The following SLC25A16 variants were observed in gnomAD, a reference collection of about 807,000 sequenced individuals.
The protein encoded by SLC25A16 is mitochondrial coenzyme A transporter SLC25A16.
A neutral mutation model predicts 41.5 loss-of-function variants in SLC25A16; 39 were observed. The ratio of observed to expected loss-of-function variants is 0.94; its 90% CI spans 0.73 to 1.23. The LOEUF (loss-of-function observed/expected upper bound fraction) is 1.23. Among genes scored for constraint, SLC25A16 ranks in the 50% most tolerant of loss-of-function variants. The pLI, the probability that SLC25A16 is intolerant of heterozygous loss-of-function variation, is 0.00. For synonymous variants in SLC25A16, 146 were observed against 147.8 expected (o/e 0.99, Z 0.09); for missense variants, 421 against 426.9 (o/e 0.99, Z 0.12).
chr10:68,488,079 T>C (rs1012939722), intron 7 of SLC25A16, among the ~76,000 whole-genome samples: 2 of 152,094 alleles, frequency 1.3e-5, no homozygotes, highest in African/African-American at 4.8e-5. Flanking sequence ...CTCAATCTCT[T>C]GACCTTGTGA....
intron 3 of SLC25A16, 56 bp from the exon 4 acceptor site, chr10:68,503,751 ACT>A: frequency 1.9e-6 from 2 of 1,031,176 alleles, no homozygotes; most frequent in Non-Finnish European, 3.0e-6. Flanking sequence ...TGCCCATTTC[ACT>A]GTTTAATAAT....
intron 8 of SLC25A16, among the ~76,000 whole-genome samples, chr10:68,486,719 A>C (rs557839930): frequency 1.8e-4 from 28 of 151,822 alleles, no homozygotes; most frequent in African/African-American, 6.5e-4. Flanking sequence ...ATTATAGACC[A>C]GGCAGGCAGG....
intron 4 of SLC25A16, among the ~76,000 whole-genome samples, chr10:68,493,817 C>A (rs2052703342): frequency 6.6e-6 from 1 of 152,194 alleles, no homozygotes; most frequent in East Asian, 1.9e-4. Flanking sequence ...CAAAATGGTA[C>A]AGTGTACAGT....
chr10:68,499,620 T>A, intron 4 of SLC25A16: 1 of 333,276 alleles, frequency 3.0e-6, no homozygotes, highest in Non-Finnish European at 5.9e-6. Flanking sequence ...AGGAAGATTA[T>A]GTCTTCCCCT....
chr10:68,492,470 T>TAAA (rs989563856), intron 6 of SLC25A16, among the ~76,000 whole-genome samples: 5 of 149,302 alleles, frequency 3.3e-5, no homozygotes, highest in Non-Finnish European at 7.4e-5. Flanking sequence ...AAGTTTAGTT[T>TAAA]AAAAAAAAAA....
chr10:68,490,645 G>A (rs1288395944), intron 6 of SLC25A16, among the ~76,000 whole-genome samples: 2 of 150,936 alleles, frequency 1.3e-5, no homozygotes, highest in African/African-American at 4.9e-5. Context: ...CCCGGCCAGG[G>A]AAGAGACTAT....
intron 2 of SLC25A16, among the ~76,000 whole-genome samples, chr10:68,507,233 C>T (rs931533883): frequency 2.0e-5 from 3 of 151,682 alleles, no homozygotes; most frequent in Admixed American, 6.6e-5. Context: ...CCACCACACC[C>T]GGCTAATTTT....
At chr10:68,514,441 A>C (rs2053124042) in intron 2 of SLC25A16, among the ~76,000 whole-genome samples, 3 of 152,096 alleles carry the variant, frequency 2.0e-5, no homozygotes, top group Admixed American at 2.0e-4. Flanking sequence ...GGTTGCAGTG[A>C]GCAGAGATCA....
intron 4 of SLC25A16, among the ~76,000 whole-genome samples, chr10:68,498,473 T>G (rs933455083): frequency 2.6e-5 from 4 of 151,990 alleles, no homozygotes; most frequent in Non-Finnish European, 4.4e-5. Flanking sequence ...GAGGATTGCT[T>G]CAGGCCAGGA....
Position 68,483,428 on chromosome 10 carries a change from T to A in SLC25A16, c.*4A>T, listed in dbSNP as rs770532162. The A allele has an allele frequency of 2.6e-6, 4 of 1,564,072 alleles. 1 individual carries two copies. The South Asian group carries it at 4.8e-5, about 19-fold the overall frequency. On this transcript the variant is annotated 3_prime_UTR_variant, in exon 9 of 9. Coordinates refer to ENST00000609923, the MANE Select transcript of SLC25A16 (RefSeq NM_152707.4). Reference sequence around the variant, plus strand: ...TATTAAGAAAAACCAACCATAATTTTTTTTTAGTTGAGGTGAAAAAACTGC... The same window carrying A: ...TATTAAGAAAAACCAACCATAATTTATTTTTAGTTGAGGTGAAAAAACTGC...
At chr10:68,512,820 C>CT (rs1337415051) in intron 2 of SLC25A16, among the ~76,000 whole-genome samples, 4 of 151,594 alleles carry the variant, frequency 2.6e-5, no homozygotes, top group Non-Finnish European at 5.9e-5. Flanking sequence ...GATGGATCAA[C>CT]TGAGGTCAGG....
rs561182108 is a variant in SLC25A16 at position 68,527,493 on chromosome 10, C to A, written c.-118G>T. The A allele has an allele frequency of 9.5e-5, 94 of 993,686 alleles. No homozygotes were observed. The East Asian group carries it at 2.7e-3, about 28-fold the overall frequency. 61.6% of individuals were successfully genotyped at this position (993,686 alleles called of 1,614,324 possible). ...GCCCCGCCGGCGGGGCAAAGTAACA[C>A]CCGGCGGCGCGGCGCCGGCTGATGG... On this transcript the variant is annotated 5_prime_UTR_variant, in exon 1 of 9. Transcript: ENST00000609923.
chr10:68,488,758 G>T, intron 6 of SLC25A16, 129 bp from the exon 7 acceptor site: 2 of 755,278 alleles, frequency 2.6e-6, no homozygotes, highest in Non-Finnish European at 4.1e-6. Context: ...AGAAAGATTT[G>T]TGTACATAAA....
At chr10:68,525,008 CT>C (rs2053314286) in intron 1 of SLC25A16, among the ~76,000 whole-genome samples, 1 of 151,994 alleles carries the variant, frequency 6.6e-6, no homozygotes, top group Non-Finnish European at 1.5e-5. Context: ...GATCACGCCA[CT>C]GCACTCCTGC....
At chr10:68,500,774 A>T (rs1182714267) in intron 4 of SLC25A16, among the ~76,000 whole-genome samples, 1 of 150,118 alleles carries the variant, frequency 6.7e-6, no homozygotes, top group East Asian at 2.0e-4. Flanking sequence ...TCTACTAAAA[A>T]TCCAAAAATT....
At chr10:68,495,423 A>G (rs1317453465) in intron 4 of SLC25A16, among the ~76,000 whole-genome samples, 1 of 152,030 alleles carries the variant, frequency 6.6e-6, no homozygotes, top group Non-Finnish European at 1.5e-5. Context: ...TCAAAAAATA[A>G]TAATAATAAA....
chr10:68,526,251 G>C (rs1267412392), intron 1 of SLC25A16, among the ~76,000 whole-genome samples: 1 of 151,848 alleles, frequency 6.6e-6, no homozygotes. Flanking sequence ...AACCGCCTTA[G>C]GGCTGGAGGT....
At chr10:68,508,467 AT>A (rs35194432) in intron 2 of SLC25A16, among the ~76,000 whole-genome samples, 1 of 150,876 alleles carries the variant, frequency 6.6e-6, no homozygotes, top group Non-Finnish European at 1.5e-5. Flanking sequence ...TTATCTCAGC[AT>A]TTTGGGAGGC....
intron 4 of SLC25A16, among the ~76,000 whole-genome samples, chr10:68,494,667 A>G (rs547587007): frequency 1.3e-5 from 2 of 148,368 alleles, no homozygotes; most frequent in East Asian, 2.0e-4. Flanking sequence ...ACCTGAGGTC[A>G]GGAGTTCGAG....
Sources: gnomAD v4.1 joint callset for allele counts (sites outside exome capture counted in the v4.1 genomes callset) on GRCh38, gnomAD v4.1.1 for gene constraint, MANE v1.5 for transcripts, NCBI Gene and HGNC (gene_info 2026-07-23, HGNC 2026-07-21) for gene names.